Variants in ANKFN1 observed in about 807,000 individuals in gnomAD.
ANKFN1 encodes the protein ankyrin repeat and fibronectin type-III domain-containing protein 1.
ANKFN1 carries 74 observed loss-of-function variants against 108.7 expected under a neutral mutation model. That is an observed-to-expected ratio of 0.68 (90% CI 0.56 to 0.83). The LOEUF is 0.83. Among genes scored for constraint, ANKFN1 ranks in the 40% least tolerant of loss-of-function variants. The probability of loss-of-function intolerance (pLI) is 0.00; values close to 1 mark genes in which losing one functional copy is unlikely to be tolerated. For synonymous variants in ANKFN1, 547 were observed against 516.2 expected (o/e 1.06, Z -0.81); for missense variants, 1,505 against 1,382.3 (o/e 1.09, Z -1.41).
Position 56,252,975 on chromosome 17 carries a change from T to C in ANKFN1, c.53+25018T>C, listed in dbSNP as rs146249655. Among the ~76,000 whole-genome samples the C allele has an allele frequency of 9.9e-5, 15 of 152,260 alleles. No homozygotes were observed. In the East Asian group the frequency reaches 2.9e-3, roughly 29 times the overall value. On this transcript the variant is annotated intron_variant, in intron 3 of 20. Transcript: ENST00000682825. ...TACTCACGAGGGTGAGGTGGGGGGA[T>C]TGCTTTAGCCCAGAAGTTTGAGGCT...
At position 56,514,005 on chromosome 17, in the gene ANKFN1, A is replaced by G. The variant is rs1216772098; in HGVS notation, c.*2736A>G. Among the ~76,000 whole-genome samples, 1 of 152,154 alleles carries G rather than the reference A, an allele frequency of 6.6e-6. No individual in the cohort carries two copies. The highest frequency in any genetic ancestry group is 6.6e-5 in the Admixed American group (1 of 15,260). ...TCACAGTCCTTTATTCATTTGGCCG[A>G]CCTTCTACTTACAGAGACTTTACAA... On this transcript the variant is annotated 3_prime_UTR_variant, in exon 21 of 21. Coordinates refer to ENST00000682825, the MANE Select transcript of ANKFN1 (RefSeq NM_001370326.1).
At chr17:56,442,781 A>G (rs1394969130) in intron 9 of ANKFN1, 62 bp from the exon 10 acceptor site, 2 of 1,418,788 alleles carry the variant, frequency 1.4e-6, no homozygotes, top group Non-Finnish European at 2.0e-6. Flanking sequence ...TTCTATACCC[A>G]TAGAGTCTAG....
intron 3 of ANKFN1, among the ~76,000 whole-genome samples, chr17:56,268,506 T>A (rs757649319): frequency 1.9e-4 from 29 of 152,148 alleles, no homozygotes; most frequent in Non-Finnish European, 3.7e-4. Flanking sequence ...TAACCTAACA[T>A]CATACCTAGA....
At chr17:56,117,439 C>G (rs1906350090) in intron 4 of ANKFN1, among the ~76,000 whole-genome samples, 1 of 152,096 alleles carries the variant, frequency 6.6e-6, no homozygotes, top group South Asian at 2.1e-4. Context: ...AAATAAATGT[C>G]CTTAAATTTT....
intron 4 of ANKFN1, among the ~76,000 whole-genome samples, chr17:56,060,223 T>G (rs1904949285): frequency 6.6e-6 from 1 of 152,224 alleles, no homozygotes; most frequent in Non-Finnish European, 1.5e-5. Context: ...ATGATTTGGC[T>G]CTCTGCTTGT....
intron 1 of ANKFN1, among the ~76,000 whole-genome samples, chr17:56,163,047 GAA>G (rs1205260303): frequency 3.2e-4 from 46 of 145,228 alleles, no homozygotes; most frequent in African/African-American, 8.5e-4. Context: ...AAAAAAAAAA[GAA>G]AAAAAGAAAA....
intron 8 of ANKFN1, among the ~76,000 whole-genome samples, chr17:56,389,563 C>T (rs978107939): frequency 1.4e-4 from 21 of 152,160 alleles, no homozygotes; most frequent in African/African-American, 5.1e-4. Context: ...CAGCTGTATG[C>T]TCAGTAAACA....
chr17:56,468,081 G>A lies in ANKFN1; in HGVS notation c.1773+1510G>A, dbSNP rs574658499. On this transcript the variant is annotated intron_variant, in intron 15 of 20. Coordinates refer to ENST00000682825, the MANE Select transcript of ANKFN1 (RefSeq NM_001370326.1). Reference sequence around the variant, plus strand: ...ATCCACTTGAGTCTCCACAAAACTTGATTTTGTCCCTTGGCACACAGCTAG... The same window carrying A: ...ATCCACTTGAGTCTCCACAAAACTTAATTTTGTCCCTTGGCACACAGCTAG... 2.0e-5 allele frequency among the ~76,000 whole-genome samples: 3 copies of A among 152,276 alleles called. No individual in the cohort carries two copies. The East Asian group carries it at 5.8e-4, about 29-fold the overall frequency.
intron 8 of ANKFN1, among the ~76,000 whole-genome samples, chr17:56,386,487 T>G (rs191906246): frequency 2.2e-3 from 322 of 145,684 alleles, no homozygotes; most frequent in African/African-American, 6.7e-3. Context: ...TAAAATAAAA[T>G]AAAAAAGAAA....
At chr17:56,097,630 AAC>A (rs757013008) in intron 4 of ANKFN1, among the ~76,000 whole-genome samples, 77 of 152,178 alleles carry the variant, frequency 5.1e-4, no homozygotes, top group Non-Finnish European at 1.0e-3. Context: ...CCTTAGGTGA[AAC>A]ACAGTCAGTT....
At chr17:56,169,386 C>T (rs1910444781) in intron 1 of ANKFN1, among the ~76,000 whole-genome samples, 1 of 152,096 alleles carries the variant, frequency 6.6e-6, no homozygotes, top group East Asian at 1.9e-4. Flanking sequence ...ATCCTCCTAC[C>T]TCAGCTTCCC....
At chr17:56,057,713 G>A (rs997732762) in intron 4 of ANKFN1, among the ~76,000 whole-genome samples, 10 of 152,100 alleles carry the variant, frequency 6.6e-5, no homozygotes, top group African/African-American at 2.4e-4. Context: ...TTGAACCCAG[G>A]AGGCGGAGGT....
intron 4 of ANKFN1, among the ~76,000 whole-genome samples, chr17:56,079,886 T>C (rs11655685): frequency 0.56 from 84,500 of 151,886 alleles, 24,950 homozygotes; most frequent in Non-Finnish European, 0.68. Flanking sequence ...GTACTCTCAA[T>C]AGGCTAAAAG....
intron 3 of ANKFN1, among the ~76,000 whole-genome samples, chr17:56,267,399 A>G (rs778263255): frequency 2.5e-4 from 38 of 152,334 alleles, no homozygotes; most frequent in Non-Finnish European, 4.6e-4. Flanking sequence ...TTTGCTGTGC[A>G]GAAGCTTATT....
In ANKFN1 at chr17:56,048,979, T is replaced by C. The variant is rs764556228; in HGVS notation, c.288+2654T>C. On this transcript the variant is annotated intron_variant, in intron 4 of 12. Transcript: ENST00000635860. The stretch of plus-strand genomic sequence containing the variant: ...AAATAACATGTCTTATAGTTTCCAC[T>C]GCCCTGTAATGATCTCACAAGTGCA... 4.0e-4 allele frequency among the ~76,000 whole-genome samples: 61 copies of C among 152,366 alleles called. No individual in the cohort carries two copies. In the Middle Eastern group the frequency reaches 0.017, roughly 42 times the overall value.
At position 56,372,097 on chromosome 17, in the gene ANKFN1, C is replaced by G. The variant is rs143992734; in HGVS notation, c.602-549C>G. 1.7e-3 allele frequency among the ~76,000 whole-genome samples: 262 copies of G among 152,244 alleles called. 1 individual carries two copies. Among genetic ancestry groups the G allele is most frequent in the African/African-American group, 5.9e-3 (244 of 41,542 alleles). ...TGTAAGCAATAAATACATTGATTAA[C>G]AATAATAAAATTATGCCTCTAAGAT... On this transcript the variant is annotated intron_variant, in intron 6 of 20. Coordinates refer to ENST00000682825, the MANE Select transcript of ANKFN1 (RefSeq NM_001370326.1).
At chr17:56,428,761 C>G (rs2048659201) in intron 8 of ANKFN1, among the ~76,000 whole-genome samples, 2 of 152,160 alleles carry the variant, frequency 1.3e-5, no homozygotes, top group African/African-American at 2.4e-5. Flanking sequence ...CAGCACCGGC[C>G]CATGGCCCCT....
At chr17:56,423,170 T>C (rs1006020493) in intron 8 of ANKFN1, among the ~76,000 whole-genome samples, 1 of 152,212 alleles carries the variant, frequency 6.6e-6, no homozygotes, top group Non-Finnish European at 1.5e-5. Flanking sequence ...TCAGTGTTGA[T>C]AGTGAATGAG....
At chr17:56,419,012 A>T (rs532962927) in intron 8 of ANKFN1, among the ~76,000 whole-genome samples, 1 of 152,258 alleles carries the variant, frequency 6.6e-6, no homozygotes, top group Admixed American at 6.5e-5. Context: ...AACTCTTAGG[A>T]CTTTGCTACT....
Sources: allele counts gnomAD v4.1 joint callset (sites outside exome capture counted in the v4.1 genomes callset), GRCh38; gene constraint gnomAD v4.1.1; transcripts MANE v1.5; gene names NCBI Gene and HGNC (gene_info 2026-07-23, HGNC 2026-07-21).